Variants in MAPT observed in about 807,000 individuals in gnomAD.
MAPT encodes microtubule-associated protein tau.
In MAPT, 34 loss-of-function variants were observed where a neutral mutation model predicts 67.9. The observed-to-expected ratio is 0.50, with a 90% confidence interval of 0.38 to 0.67. The LOEUF (loss-of-function observed/expected upper bound fraction) is 0.67. Among genes scored for constraint, MAPT ranks in the 30% least tolerant of loss-of-function variants. The pLI is 0.00. For missense variants in MAPT, 881 were observed against 1,115.2 expected (o/e 0.79, Z 2.99); for synonymous variants, 456 against 464.5 (o/e 0.98, Z 0.23).
intron 1 of MAPT, among the ~76,000 whole-genome samples, chr17:45,911,707 C>T (rs992750640): frequency 5.3e-5 from 8 of 152,040 alleles, no homozygotes; most frequent in East Asian, 1.9e-4. Flanking sequence ...GAGGCTGCAG[C>T]GAGCCATGAT....
At chr17:45,990,205 ATAGT>A in intron 7 of MAPT, 130 bp downstream of exon 7, 1 of 835,338 alleles carries the variant, frequency 1.2e-6, no homozygotes, top group Non-Finnish European at 2.0e-6. Flanking sequence ...ACCGTGTAAA[ATAGT>A]TAGAATTCTG....
intron 1 of MAPT, among the ~76,000 whole-genome samples, chr17:45,928,834 T>A (rs1209999177): frequency 6.6e-6 from 1 of 152,182 alleles, no homozygotes; most frequent in Non-Finnish European, 1.5e-5. Context: ...TGGCTGGAAC[T>A]ACAAGTGCTC....
intron 2 of MAPT, among the ~76,000 whole-genome samples, chr17:45,967,712 ACT>A (rs1382566352): frequency 6.6e-6 from 1 of 151,362 alleles, no homozygotes; most frequent in African/African-American, 2.4e-5. Context: ...CCTGAAACTG[ACT>A]CTAAATTACT....
At chr17:45,900,495 TTTTC>T (rs2063545245) in intron 1 of MAPT, among the ~76,000 whole-genome samples, 1 of 152,174 alleles carries the variant, frequency 6.6e-6, no homozygotes, top group African/African-American at 2.4e-5. Flanking sequence ...AGTCCCTTAA[TTTTC>T]TTTGCTTTTT....
At position 45,896,824 on chromosome 17, in the gene MAPT, C is replaced by T; in HGVS notation, c.-18+2138C>T. On this transcript the variant is annotated intron_variant, in intron 1 of 12. Transcript: ENST00000262410. The surrounding 1 kb of genome is among the most constrained non-coding windows in gnomAD (Gnocchi z 5.6). ...GCCCCCAAAACCGAGTCTGGGGCGG[C>T]AGGGGGAACTCCTGGCCAACGAATC... 1 of 153,120 alleles carries T rather than the reference C, an allele frequency of 6.5e-6. No homozygotes were observed. The highest frequency in any genetic ancestry group is 1.5e-5 in the Non-Finnish European group (1 of 68,630). The allele number at this position is 153,120 out of a possible 1,614,324, so 9.5% of individuals were successfully genotyped here.
At chr17:45,902,866 G>A (rs977338549) in intron 1 of MAPT, among the ~76,000 whole-genome samples, 9 of 152,134 alleles carry the variant, frequency 5.9e-5, no homozygotes, top group Admixed American at 1.3e-4. Context: ...CTTTGGCCCC[G>A]TCCACCCTAC....
At chr17:46,002,291 A>G (rs1352069930) in intron 9 of MAPT, among the ~76,000 whole-genome samples, 2 of 151,962 alleles carry the variant, frequency 1.3e-5, no homozygotes, top group Admixed American at 1.3e-4. Context: ...GGGACGGTTA[A>G]GCAGGGGTGA....
At chr17:45,917,164 C>G (rs1428290311) in intron 1 of MAPT, among the ~76,000 whole-genome samples, 3 of 152,250 alleles carry the variant, frequency 2.0e-5, no homozygotes, top group African/African-American at 2.4e-5. Context: ...TTCCCTGCAG[C>G]CTCCTGCCCA....
intron 1 of MAPT, among the ~76,000 whole-genome samples, chr17:45,901,224 C>T (rs1191890601): frequency 6.6e-6 from 1 of 152,212 alleles, no homozygotes; most frequent in Non-Finnish European, 1.5e-5. Flanking sequence ...CACTCCATGC[C>T]AGGAATAAAC....
Position 45,971,380 on chromosome 17 carries a change from T to C in MAPT, c.134-479T>C, listed in dbSNP as rs2071644816. On this transcript the variant is annotated intron_variant, in intron 2 of 12. Coordinates refer to ENST00000262410, the MANE Select transcript of MAPT (RefSeq NM_001377265.1). This position sits in a 1 kb window ranked among gnomAD's most constrained non-coding sequence, Gnocchi z 4.3. ...TTGGTGGCGTCCAAACACCACCCAA[T>C]GTCCACTTAGAAGTAAGCACCGTGT... is the stretch of plus-strand genomic sequence containing the variant. Among the ~76,000 whole-genome samples, 2 of 152,208 alleles carry C rather than the reference T, an allele frequency of 1.3e-5. No homozygotes were observed. The highest frequency in any genetic ancestry group is 2.9e-5 in the Non-Finnish European group (2 of 68,034).
At chr17:46,007,862 A>C (rs1329802580) in intron 9 of MAPT, among the ~76,000 whole-genome samples, 2 of 152,196 alleles carry the variant, frequency 1.3e-5, no homozygotes, top group Non-Finnish European at 2.9e-5. Flanking sequence ...CATCATATGG[A>C]AAAAGCTCCT....
rs1195721768 is a variant in MAPT, at chr17:45,903,863, A to T, written c.-18+9177A>T. On this transcript the variant is annotated intron_variant, in intron 1 of 12. Coordinates refer to ENST00000262410, the MANE Select transcript of MAPT (RefSeq NM_001377265.1). ...ATTTTATATATTATATATTATATAT[A>T]TTATATATTATATATTTATATATTT... Among the ~76,000 whole-genome samples, 6 of 29,262 alleles carry T rather than the reference A, an allele frequency of 2.1e-4. 1 individual carries two copies. Among genetic ancestry groups the T allele is most frequent in the East Asian group, 6.8e-4 (1 of 1,472 alleles). 19.2% of individuals were successfully genotyped at this position (29,262 alleles called of 152,430 possible).
chr17:46,024,364 G>A lies in MAPT; in HGVS notation c.*193G>A. On this transcript the variant is annotated 3_prime_UTR_variant, in exon 13 of 13. Transcript: ENST00000262410. ...TTCAAAATCAGTGATGGGAGTAAGA[G>A]CAAATTTCATCTTTCCAAATTGATG... 1.6e-6 allele frequency: 1 copy of A among 613,612 alleles called. No individual in the cohort carries two copies. Among genetic ancestry groups the A allele is most frequent in the Non-Finnish European group, 2.9e-6 (1 of 342,980 alleles). The allele number at this position is 613,612 out of a possible 1,614,324, so 38.0% of individuals were successfully genotyped here. A position where few individuals can be genotyped will look rare whatever the true frequency, so the allele number is the denominator to read the frequency against.
chr17:45,940,224 G>T (rs181455183), intron 1 of MAPT, among the ~76,000 whole-genome samples: 105 of 152,322 alleles, frequency 6.9e-4, no homozygotes, highest in African/African-American at 2.5e-3. Flanking sequence ...TGTTTTCTGC[G>T]TTAATCTGGG....
Position 45,971,995 on chromosome 17 carries a change from C to G in MAPT, c.220+50C>G. ...TCCATGCCTCCAGCCTGTGCTTAGC[C>G]GTGCTTTGAGCCTCCCTCCTGGCTG... On this transcript the variant is annotated intron_variant, in intron 3 of 12. Coordinates refer to ENST00000262410, the MANE Select transcript of MAPT (RefSeq NM_001377265.1). This position sits in a 1 kb window ranked among gnomAD's most constrained non-coding sequence, Gnocchi z 4.3. 1 of 1,445,938 alleles carries G rather than the reference C, an allele frequency of 6.9e-7. No homozygotes were observed. Among genetic ancestry groups the G allele is most frequent in the Non-Finnish European group, 9.7e-7 (1 of 1,028,740 alleles). 89.6% of individuals were successfully genotyped at this position (1,445,938 alleles called of 1,614,324 possible).
At chr17:45,994,180 G>C (rs142282909) in intron 8 of MAPT, among the ~76,000 whole-genome samples, 80 of 152,346 alleles carry the variant, frequency 5.3e-4, no homozygotes, top group African/African-American at 1.9e-3. Flanking sequence ...CTAATCCTGT[G>C]TGCTCTCCTT....
chr17:45,933,245 C>CTTTTTTTTTTTT (rs61564191), intron 1 of MAPT, among the ~76,000 whole-genome samples: 1 of 139,210 alleles, frequency 7.2e-6, no homozygotes, highest in Non-Finnish European at 1.5e-5. Flanking sequence ...CTCTCTCTCC[C>CTTTTTTTTTTTT]TTTTTTTTTT....
chr17:46,005,400 G>A (rs970710549), intron 9 of MAPT, among the ~76,000 whole-genome samples: 1 of 152,096 alleles, frequency 6.6e-6, no homozygotes, highest in Non-Finnish European at 1.5e-5. Flanking sequence ...ATTCTAAGCT[G>A]TTCCCACTCC....
At chr17:45,999,189 G>A in intron 9 of MAPT, 1 of 1,508,336 alleles carries the variant, frequency 6.6e-7, no homozygotes, top group Non-Finnish European at 8.9e-7. Flanking sequence ...ATCTCCTCCA[G>A]GAAGTCTTCC....
Sources: allele counts gnomAD v4.1 joint callset (sites outside exome capture counted in the v4.1 genomes callset), GRCh38; gene constraint gnomAD v4.1.1; non-coding constraint Gnocchi (gnomAD v3.1); transcripts MANE v1.5; gene names NCBI Gene and HGNC (gene_info 2026-07-23, HGNC 2026-07-21).